SRD5A1: variants seen among roughly 807,000 people sequenced by gnomAD.
The protein encoded by SRD5A1 is steroid 5 alpha-reductase 1.
SRD5A1 carries 22 observed loss-of-function variants against 28.2 expected under a neutral mutation model. The ratio of observed to expected loss-of-function variants is 0.78; its 90% confidence interval spans 0.56 to 1.12. SRD5A1 has a LOEUF of 1.12. Ranked by LOEUF, SRD5A1 falls within the 50% of genes most tolerant of loss-of-function variation. The pLI, the probability that SRD5A1 is intolerant of heterozygous loss-of-function variation, is 0.00. For synonymous variants in SRD5A1, 151 were observed against 135.0 expected, an observed-to-expected ratio of 1.12 and a Z score of -0.82; for missense variants, 300 against 346.7, an observed-to-expected ratio of 0.87 and a Z score of 1.07.
chr5:6,641,699 TCAGA>T (rs1307807163), intron 1 of SRD5A1, among the ~76,000 whole-genome samples: 4 of 152,248 alleles, frequency 2.6e-5, no homozygotes, highest in Non-Finnish European at 4.4e-5. Flanking sequence ...CTTGCAGTTC[TCAGA>T]CATTCACATG....
At chr5:6,662,178 C>G (rs1353726126) in intron 3 of SRD5A1, among the ~76,000 whole-genome samples, 1 of 152,208 alleles carries the variant, frequency 6.6e-6, no homozygotes, top group Admixed American at 6.5e-5. Context: ...AGCCTTGAAT[C>G]GACCCTCACC....
In SRD5A1 at chr5:6,668,431, G is replaced by A. The variant is rs1739257040; in HGVS notation, c.*163G>A. ...AGTAATTTTGCAATCTACCTAATAA[G>A]TACCTAAATACGCTGAAATGGAGGT... On this transcript the variant is annotated 3_prime_UTR_variant, in exon 5 of 5. Coordinates refer to ENST00000274192, the MANE Select transcript of SRD5A1 (RefSeq NM_001047.4). The A allele has an allele frequency of 2.0e-6, 1 of 492,338 alleles. No homozygotes were observed. The highest frequency in any genetic ancestry group is 3.4e-5 in the South Asian group (1 of 29,110). The allele number at this position is 492,338 out of a possible 1,614,324, so 30.5% of individuals were successfully genotyped here.
chr5:6,634,838 A>C (rs1229219486), intron 1 of SRD5A1, among the ~76,000 whole-genome samples: 1 of 152,258 alleles, frequency 6.6e-6, no homozygotes, highest in Non-Finnish European at 1.5e-5. Context: ...TGGCTTTTAC[A>C]CAGCCAAAGC....
chr5:6,662,880 T>C lies in SRD5A1; in HGVS notation c.627T>C (p.Tyr209=), dbSNP rs1739052933. 6.2e-7 allele frequency: 1 copy of C among 1,613,328 alleles called. No homozygotes were observed. The highest frequency in any genetic ancestry group is 1.3e-5 in the African/African-American group (1 of 74,920). Residue 209 remains tyrosine, a synonymous_variant, in exon 4 of 5, where the codon TAT becomes TAC. Transcript: ENST00000274192. The part of the protein sequence containing the change: ...YFGEIMEWCG[Y]ALASWSVQGA... ...GAGAAATCATGGAGTGGTGTGGCTA[T>C]GCCCTGGCCAGCTGGTCTGTCCAAG...
intron 3 of SRD5A1, among the ~76,000 whole-genome samples, chr5:6,662,014 CCT>C (rs1165178355): frequency 6.6e-6 from 1 of 152,188 alleles, no homozygotes; most frequent in Non-Finnish European, 1.5e-5. Flanking sequence ...TTCTGCCCTC[CCT>C]CTCTGCTGGG....
At position 6,668,918 on chromosome 5, in the gene SRD5A1, GGGTGCTGGT is replaced by G. The variant is rs1739277243; in HGVS notation, c.*655_*663del. On this transcript the variant is annotated 3_prime_UTR_variant, in exon 5 of 5. Coordinates refer to ENST00000274192, the MANE Select transcript of SRD5A1 (RefSeq NM_001047.4). ...CCGGGTGACATCACCGGGCAGGGAG[GGGTGCTGGT>G]GGTGGTTCATACGGAGTAAGCTGCT... is the stretch of plus-strand genomic sequence containing the variant. The G allele has an allele frequency of 6.6e-6, 1 of 152,364 alleles. No individual in the cohort carries two copies. Among genetic ancestry groups the G allele is most frequent in the African/African-American group, 2.4e-5 (1 of 41,454 alleles). 9.4% of individuals were successfully genotyped at this position (152,364 alleles called of 1,614,324 possible). A position where few individuals can be genotyped will look rare whatever the true frequency, so the allele number is the denominator to read the frequency against.
At chr5:6,654,876 T>C (rs1316617255) in intron 2 of SRD5A1, among the ~76,000 whole-genome samples, 2 of 152,202 alleles carry the variant, frequency 1.3e-5, no homozygotes, top group African/African-American at 4.8e-5. Flanking sequence ...CATGATTCCT[T>C]TCTAGAATCT....
intron 4 of SRD5A1, among the ~76,000 whole-genome samples, chr5:6,665,732 C>T (rs1739152181): frequency 6.6e-6 from 1 of 152,076 alleles, no homozygotes; most frequent in African/African-American, 2.4e-5. Context: ...AACATGGGCA[C>T]ACCAAGTCAG....
chr5:6,644,904 C>T (rs373042488), intron 1 of SRD5A1: 19 of 455,970 alleles, frequency 4.2e-5, no homozygotes, highest in East Asian at 2.8e-4. Flanking sequence ...GATTCCAAGA[C>T]GCAGAGAGAA....
At chr5:6,648,725 A>T (rs1033184755) in intron 1 of SRD5A1, among the ~76,000 whole-genome samples, 1 of 152,158 alleles carries the variant, frequency 6.6e-6, no homozygotes, top group African/African-American at 2.4e-5. Context: ...TTTGGCTCAG[A>T]GGAGTTTGTT....
chr5:6,635,313 A>AT (rs199525662), intron 1 of SRD5A1, among the ~76,000 whole-genome samples: 2,671 of 149,890 alleles, frequency 0.018, 36 homozygotes, highest in Non-Finnish European at 0.028. Context: ...CCATTGCTTT[A>AT]TTTTTTTTTT....
At chr5:6,635,413 G>A (rs1339636205) in intron 1 of SRD5A1, among the ~76,000 whole-genome samples, 2 of 152,130 alleles carry the variant, frequency 1.3e-5, no homozygotes, top group Non-Finnish European at 2.9e-5. Context: ...GAAGCTGTAT[G>A]TCTGTTTCTT....
At chr5:6,635,528 C>T (rs567493520) in intron 1 of SRD5A1, among the ~76,000 whole-genome samples, 8 of 152,316 alleles carry the variant, frequency 5.3e-5, no homozygotes, top group Admixed American at 3.9e-4. Context: ...GGTTTCCCCA[C>T]CTGTAGAATG....
intron 1 of SRD5A1, among the ~76,000 whole-genome samples, chr5:6,642,844 A>G (rs1239680863): frequency 1.3e-5 from 2 of 152,214 alleles, no homozygotes; most frequent in African/African-American, 4.8e-5. Flanking sequence ...TGTGGGACAA[A>G]TCGGCATAGT....
In SRD5A1 at chr5:6,673,882, TC is replaced by T. The variant is rs2126562627; in HGVS notation, c.*5617del. 6.6e-6 allele frequency: 1 copy of T among 152,206 alleles called. No individual in the cohort carries two copies. The highest frequency in any genetic ancestry group is 2.1e-4 in the South Asian group (1 of 4,826). 9.4% of individuals were successfully genotyped at this position (152,206 alleles called of 1,614,324 possible). A position where few individuals can be genotyped will look rare whatever the true frequency, so the allele number is the denominator to read the frequency against. The stretch of plus-strand genomic sequence containing the variant: ...TTTGCAAAGGCTAGATACTATATGA[TC>T]CCAACTGTATAACATTCTGAAAAAG... On this transcript the variant is annotated 3_prime_UTR_variant, in exon 5 of 5. Coordinates refer to ENST00000274192, the MANE Select transcript of SRD5A1 (RefSeq NM_001047.4).
intron 4 of SRD5A1, among the ~76,000 whole-genome samples, chr5:6,666,936 T>C (rs8192247): frequency 0.013 from 1,936 of 152,260 alleles, 41 homozygotes; most frequent in African/African-American, 0.045. Flanking sequence ...GTGCCCATCT[T>C]CCCACGGGCA....
intron 1 of SRD5A1, among the ~76,000 whole-genome samples, chr5:6,650,776 A>C (rs967325239): frequency 1.3e-5 from 2 of 148,540 alleles, no homozygotes; most frequent in Non-Finnish European, 1.5e-5. Context: ...ATATCTCCCA[A>C]TGCTATCCCT....
chr5:6,658,081 T>C (rs1401568738), intron 3 of SRD5A1, among the ~76,000 whole-genome samples: 1 of 152,164 alleles, frequency 6.6e-6, no homozygotes, highest in Non-Finnish European at 1.5e-5. Flanking sequence ...TCCCAGCATG[T>C]TGAGAGGCCG....
rs1018665076 is a variant in SRD5A1, at chr5:6,668,380, A to G, written c.*112A>G. ...TTTTCCTGCTACTTTATCATTTTCA[A>G]GATGTCCTCTAGGAATTTTTTTTCT... On this transcript the variant is annotated 3_prime_UTR_variant, in exon 5 of 5. Transcript: ENST00000274192. 9.0e-6 allele frequency: 6 copies of G among 669,740 alleles called. No individual in the cohort carries two copies. Among genetic ancestry groups the G allele is most frequent in the Non-Finnish European group, 1.4e-5 (6 of 418,278 alleles). The allele number at this position is 669,740 out of a possible 1,614,324, so 41.5% of individuals were successfully genotyped here.
Sources: gnomAD v4.1 joint callset for allele counts (sites outside exome capture counted in the v4.1 genomes callset) on GRCh38, gnomAD v4.1.1 for gene constraint, MANE v1.5 for transcripts, NCBI Gene and HGNC (gene_info 2026-07-23, HGNC 2026-07-21) for gene names.